NRG1: variants seen among roughly 807,000 people sequenced by gnomAD.
NRG1 encodes the protein neuregulin 1.
A neutral mutation model predicts 63.8 loss-of-function variants in NRG1; 18 were observed. The observed-to-expected ratio is 0.28, with a 90% CI of 0.19 to 0.42. NRG1 has a LOEUF of 0.42. Ranked by LOEUF, NRG1 falls within the 10% of genes least tolerant of loss-of-function variation. The probability of loss-of-function intolerance (pLI) is 1.00; values close to 1 mark genes in which losing one functional copy is unlikely to be tolerated. For synonymous variants in NRG1, 302 were observed against 301.3 expected (o/e 1.00, Z -0.02); for missense variants, 762 against 814.7 (o/e 0.94, Z 0.79).
chr8:32,762,879 A>G (rs900762979), intron 11 of NRG1, among the ~76,000 whole-genome samples: 3 of 152,160 alleles, frequency 2.0e-5, no homozygotes, highest in Admixed American at 1.3e-4. Context: ...GCCTAATGGC[A>G]AGAGTCACTG....
At chr8:31,773,485 A>G (rs531605780) in intron 1 of NRG1, among the ~76,000 whole-genome samples, 11 of 152,188 alleles carry the variant, frequency 7.2e-5, no homozygotes, top group Non-Finnish European at 1.6e-4. Flanking sequence ...CCTAGCTCAA[A>G]CCATCATAGT....
chr8:32,630,110 C>A (rs542669787), intron 5 of NRG1, among the ~76,000 whole-genome samples: 1 of 152,120 alleles, frequency 6.6e-6, no homozygotes, highest in Non-Finnish European at 1.5e-5. Context: ...TCTTTTCACC[C>A]ACAGATGGTA....
At chr8:32,370,749 T>C (rs937533661) in intron 1 of NRG1, among the ~76,000 whole-genome samples, 1 of 145,886 alleles carries the variant, frequency 6.9e-6, no homozygotes, top group African/African-American at 2.6e-5. Flanking sequence ...TCCCAGCTAC[T>C]TGGGAGGCTG....
At chr8:31,738,730 G>T (rs921393085) in intron 1 of NRG1, among the ~76,000 whole-genome samples, 2 of 152,048 alleles carry the variant, frequency 1.3e-5, no homozygotes, top group African/African-American at 4.8e-5. Flanking sequence ...TTCTGGCCAT[G>T]TCTGTCAATC....
chr8:32,564,760 T>C (rs907772581), intron 1 of NRG1, among the ~76,000 whole-genome samples: 2 of 152,146 alleles, frequency 1.3e-5, no homozygotes, highest in African/African-American at 4.8e-5. Context: ...CTCTGGAGGC[T>C]TTGAAGATTT....
At chr8:32,062,154 C>T (rs953483731) in intron 1 of NRG1, among the ~76,000 whole-genome samples, 1 of 151,994 alleles carries the variant, frequency 6.6e-6, no homozygotes, top group African/African-American at 2.4e-5. Context: ...AGGGAAAGGT[C>T]CTTTCTGAGA....
intron 1 of NRG1, among the ~76,000 whole-genome samples, chr8:32,463,229 T>C (rs1437034226): frequency 2.0e-5 from 3 of 152,172 alleles, no homozygotes; most frequent in African/African-American, 7.2e-5. Context: ...TTTCATATCT[T>C]GGCTATTGTG....
At chr8:32,538,144 G>A (rs1045338891) in intron 1 of NRG1, among the ~76,000 whole-genome samples, 4 of 152,090 alleles carry the variant, frequency 2.6e-5, no homozygotes, top group Non-Finnish European at 5.9e-5. Context: ...GAGCCACTGC[G>A]CTCAGCTGAG....
intron 1 of NRG1, among the ~76,000 whole-genome samples, chr8:32,470,248 T>C (rs1823654482): frequency 6.7e-6 from 1 of 149,194 alleles, no homozygotes; most frequent in Non-Finnish European, 1.5e-5. Context: ...TGGCGCCATC[T>C]CGGCTCACTG....
chr8:32,115,437 A>C (rs544658742), intron 1 of NRG1, among the ~76,000 whole-genome samples: 1 of 152,304 alleles, frequency 6.6e-6, no homozygotes, highest in Admixed American at 6.5e-5. Flanking sequence ...GGAAAATAAA[A>C]TGTTATTAAG....
chr8:32,716,125 G>C (rs1819161475), intron 5 of NRG1, among the ~76,000 whole-genome samples: 1 of 152,186 alleles, frequency 6.6e-6, no homozygotes. Context: ...TCCATTATGG[G>C]AGTCACTGGA....
chr8:32,355,168 C>T (rs1806201886), intron 1 of NRG1, among the ~76,000 whole-genome samples: 1 of 151,968 alleles, frequency 6.6e-6, no homozygotes, highest in East Asian at 1.9e-4. Context: ...AATTGAAAGG[C>T]AAATAGCAGT....
intron 1 of NRG1, among the ~76,000 whole-genome samples, chr8:32,110,894 G>A (rs1463647934): frequency 6.6e-6 from 1 of 152,166 alleles, no homozygotes; most frequent in Non-Finnish European, 1.5e-5. Context: ...AAGCATTGCT[G>A]TCTGGAGATT....
chr8:31,719,072 C>T (rs1411284872), intron 1 of NRG1, among the ~76,000 whole-genome samples: 1 of 152,178 alleles, frequency 6.6e-6, no homozygotes, highest in Non-Finnish European at 1.5e-5. Context: ...AAACAACTCT[C>T]TCCAACTGAT....
chr8:31,813,649 C>A (rs1823146739), intron 1 of NRG1, among the ~76,000 whole-genome samples: 1 of 151,320 alleles, frequency 6.6e-6, no homozygotes, highest in Non-Finnish European at 1.5e-5. Context: ...AACCCCCTGA[C>A]CCTCACTATC....
intron 1 of NRG1, among the ~76,000 whole-genome samples, chr8:31,952,353 G>A (rs960545824): frequency 6.6e-6 from 1 of 152,164 alleles, no homozygotes; most frequent in African/African-American, 2.4e-5. Flanking sequence ...ATTGAACAGA[G>A]GAAATGCTTC....
At chr8:31,888,266 A>G (rs952551724) in intron 1 of NRG1, among the ~76,000 whole-genome samples, 1 of 152,102 alleles carries the variant, frequency 6.6e-6, no homozygotes, top group African/African-American at 2.4e-5. Flanking sequence ...TAAATTAAGT[A>G]TGTTGACAAT....
At chr8:32,315,704 T>G (rs1857307217) in intron 1 of NRG1, among the ~76,000 whole-genome samples, 5 of 152,198 alleles carry the variant, frequency 3.3e-5, no homozygotes. Context: ...ACCCTCAGAA[T>G]GTCTGTGAAA....
chr8:32,020,286 A>G (rs749120340), intron 1 of NRG1, among the ~76,000 whole-genome samples: 7 of 152,308 alleles, frequency 4.6e-5, no homozygotes, highest in Non-Finnish European at 8.8e-5. Context: ...TTATCTCACT[A>G]TAATTGTTAT....
Sources: allele counts gnomAD v4.1 joint callset (sites outside exome capture counted in the v4.1 genomes callset), GRCh38; gene constraint gnomAD v4.1.1; transcripts MANE v1.5; gene names NCBI Gene and HGNC (gene_info 2026-07-23, HGNC 2026-07-21).